NNT: variants seen among roughly 807,000 people sequenced by gnomAD.
The protein encoded by NNT is nicotinamide nucleotide transhydrogenase.
Under a neutral mutation model 104.8 loss-of-function variants are expected in NNT, and 50 were observed. The observed-to-expected ratio is 0.48, with a 90% CI of 0.38 to 0.60. The LOEUF (loss-of-function observed/expected upper bound fraction) is 0.60. Among genes scored for constraint, NNT ranks in the 20% least tolerant of loss-of-function variants. The probability of loss-of-function intolerance (pLI) is 0.00; values close to 1 mark genes in which losing one functional copy is unlikely to be tolerated. For synonymous variants in NNT, 461 were observed against 490.4 expected (o/e 0.94, Z 0.79); for missense variants, 1,131 against 1,330.7 (o/e 0.85, Z 2.33).
intron 7 of NNT, 141 bp downstream of exon 7, chr5:43,628,528 G>A (rs984869652): frequency 1.3e-5 from 8 of 593,520 alleles, no homozygotes; most frequent in African/African-American, 9.8e-5. Flanking sequence ...ACTAGAAAAC[G>A]AGAAAATATA....
intron 18 of NNT, among the ~76,000 whole-genome samples, chr5:43,676,690 A>G (rs1432384194): frequency 6.6e-6 from 1 of 152,206 alleles, no homozygotes; most frequent in African/African-American, 2.4e-5. Context: ...GTAAAGATGT[A>G]GAGGACACAA....
At chr5:43,674,731 T>C (rs1372414617) in intron 17 of NNT, among the ~76,000 whole-genome samples, 1 of 152,222 alleles carries the variant, frequency 6.6e-6, no homozygotes, top group East Asian at 1.9e-4. Flanking sequence ...AATGAACTGT[T>C]TTCAAAACCA....
chr5:43,631,446 A>C (rs1234484825), intron 7 of NNT, among the ~76,000 whole-genome samples: 2 of 152,186 alleles, frequency 1.3e-5, no homozygotes, highest in African/African-American at 4.8e-5. Context: ...TGCAGCCACC[A>C]TCTGACCTCT....
chr5:43,675,028 A>G (rs912805016), intron 17 of NNT, among the ~76,000 whole-genome samples: 1 of 152,124 alleles, frequency 6.6e-6, no homozygotes, highest in Non-Finnish European at 1.5e-5. Flanking sequence ...ATCAACCCCC[A>G]TATTTCTATT....
In NNT at chr5:43,655,994, C is replaced by A; in HGVS notation, c.2214C>A (p.Thr738=). The A allele has an allele frequency of 1.2e-6, 2 of 1,614,188 alleles. No homozygotes were observed. Among genetic ancestry groups the A allele is most frequent in the Non-Finnish European group, 1.7e-6 (2 of 1,180,034 alleles). The change falls in exon 15 of 22, where the codon ACC becomes ACA. Residue 738 remains threonine, a synonymous_variant. Transcript: ENST00000344920. ...CTACGGATGCAGCAGCAAATCTCAC[C>A]AAGATTGTGGCCTACCTCGGCACTT... ...HFATDAAANL[T]KIVAYLGTYI... is the part of the protein sequence containing the mutation.
chr5:43,616,950 A>G (rs1561265464), intron 4 of NNT, among the ~76,000 whole-genome samples: 1 of 152,206 alleles, frequency 6.6e-6, no homozygotes, highest in Non-Finnish European at 1.5e-5. Flanking sequence ...ACCTTTTTAA[A>G]AAAACAGTGC....
chr5:43,683,965 T>C (rs929306312), intron 19 of NNT, among the ~76,000 whole-genome samples: 1 of 152,158 alleles, frequency 6.6e-6, no homozygotes, highest in Non-Finnish European at 1.5e-5. Flanking sequence ...CTCCTCAGGA[T>C]GGAAAAGGTA....
chr5:43,636,806 AT>A (rs1436643492), intron 7 of NNT, among the ~76,000 whole-genome samples: 22 of 152,136 alleles, frequency 1.4e-4, no homozygotes, highest in Admixed American at 3.9e-4. Context: ...TTTATACAGA[AT>A]TTTGCAGCTA....
Position 43,659,252 on chromosome 5 carries a change from C to T in NNT, c.2536C>T (p.Leu846=). 6.2e-7 allele frequency: 1 copy of T among 1,614,074 alleles called. No homozygotes were observed. The highest frequency in any genetic ancestry group is 1.1e-5 in the South Asian group (1 of 91,076). The change falls in exon 17 of 22, where the codon CTG becomes TTG. Residue 846 remains leucine (L), a synonymous_variant. Transcript: ENST00000344920. ...TVLNSYSGWA[L]CAEGFLLNNN... ...GCTGAACAGCTACTCAGGCTGGGCC[C>T]TGTGTGCAGAGGGCTTCCTGCTCAA...
chr5:43,643,361 C>A (rs955736215), intron 7 of NNT, among the ~76,000 whole-genome samples: 1 of 152,108 alleles, frequency 6.6e-6, no homozygotes, highest in Admixed American at 6.6e-5. Context: ...TATATTAGCT[C>A]GAAAAGTCCT....
At chr5:43,668,354 C>A (rs1420729549) in intron 17 of NNT, among the ~76,000 whole-genome samples, 1 of 151,908 alleles carries the variant, frequency 6.6e-6, no homozygotes, top group Non-Finnish European at 1.5e-5. Context: ...AAGTCCTTGC[C>A]ATGCCTATGT....
intron 3 of NNT, 78 bp from the exon 4 acceptor site, chr5:43,615,770 T>C: frequency 3.8e-6 from 4 of 1,051,762 alleles, no homozygotes; most frequent in Non-Finnish European, 5.5e-6. Context: ...CATGGCATAT[T>C]ATCTAAGTTT....
chr5:43,609,377 A>G, intron 2 of NNT, 31 bp downstream of exon 2: 1 of 1,609,284 alleles, frequency 6.2e-7, no homozygotes, highest in Non-Finnish European at 8.5e-7. Context: ...TTGTAAATGA[A>G]ACCTTCAAGT....
chr5:43,613,084 G>T lies in NNT; in HGVS notation c.328G>T (p.Gly110Cys). The change falls in exon 3 of 22, where the codon GGT becomes TGT. Residue 110 changes from glycine (G) to cysteine (C), a missense_variant. By Grantham distance (159) the Gly-to-Cys change is radical (BLOSUM62 -3). Coordinates refer to ENST00000344920, the MANE Select transcript of NNT (RefSeq NM_182977.3). ...KFSDDHYRVA[G>C]AQIQGAKEVL... is the part of the protein sequence containing the mutation. ...CTCAGATGATCACTATAGAGTGGCAGGTGCCCAAATCCAAGGGGCAAAGGA... is the reference window on the plus strand; with the variant it reads ...CTCAGATGATCACTATAGAGTGGCATGTGCCCAAATCCAAGGGGCAAAGGA... The T allele has an allele frequency of 6.2e-7, 1 of 1,614,042 alleles. No homozygotes were observed. The highest frequency in any genetic ancestry group is 8.5e-7 in the Non-Finnish European group (1 of 1,179,946).
intron 17 of NNT, chr5:43,667,342 T>C (rs1358728637): frequency 1.8e-6 from 1 of 545,636 alleles, no homozygotes; most frequent in Non-Finnish European, 3.3e-6. Context: ...TACATATGTA[T>C]ACATGCGCCA....
At chr5:43,695,550 A>T (rs1346006866) in intron 19 of NNT, among the ~76,000 whole-genome samples, 1 of 152,222 alleles carries the variant, frequency 6.6e-6, no homozygotes, top group Non-Finnish European at 1.5e-5. Context: ...CTGGGCATTG[A>T]CAGTATAGGA....
intron 17 of NNT, among the ~76,000 whole-genome samples, chr5:43,671,090 C>T (rs187748090): frequency 3.2e-4 from 48 of 152,226 alleles, no homozygotes; most frequent in East Asian, 2.5e-3. Context: ...GTTTTATCAG[C>T]GACTAGGATT....
Position 43,628,248 on chromosome 5 carries a change from G to T in NNT, c.825G>T (p.Glu275Asp), listed in dbSNP as rs1408653869. 2 of 1,613,950 alleles carry T rather than the reference G, an allele frequency of 1.2e-6. No homozygotes were observed. The highest frequency in any genetic ancestry group is 2.2e-5 in the East Asian group (1 of 44,868). ...AGTCTCTTGGTGCTGAGCCCTTGGA[G>T]GTGGACTTGAAGGAATCTGGTGAGG... The part of the protein sequence containing the change: ...QFKSLGAEPL[E>D]VDLKESGEGQ... Residue 275 changes from glutamate (E) to aspartate (D), a missense_variant, in exon 7 of 22, where the codon GAG becomes GAT. Coordinates refer to ENST00000344920, the MANE Select transcript of NNT (RefSeq NM_182977.3).
At chr5:43,608,888 TG>T (rs1749358634) in intron 1 of NNT, among the ~76,000 whole-genome samples, 1 of 152,218 alleles carries the variant, frequency 6.6e-6, no homozygotes, top group South Asian at 2.1e-4. Flanking sequence ...GACCTAGGCT[TG>T]GAATTGAATA....
Sources: gnomAD v4.1 joint callset for allele counts (sites outside exome capture counted in the v4.1 genomes callset) on GRCh38, gnomAD v4.1.1 for gene constraint, MANE v1.5 for transcripts, NCBI Gene and HGNC (gene_info 2026-07-23, HGNC 2026-07-21) for gene names.